MACROD2: variants seen among roughly 807,000 people sequenced by gnomAD.
MACROD2 encodes the protein ADP-ribose glycohydrolase MACROD2.
In MACROD2, 36 loss-of-function variants were observed where a neutral mutation model predicts 70.4. The ratio of observed to expected loss-of-function variants is 0.51; its 90% CI spans 0.39 to 0.68. MACROD2 has a LOEUF of 0.68. MACROD2 is among the 30% of genes least tolerant of loss of function. The probability of loss-of-function intolerance (pLI) is 0.00; values close to 1 mark genes in which losing one functional copy is unlikely to be tolerated. For missense variants in MACROD2, 496 were observed against 538.4 expected (o/e 0.92, Z 0.78); for synonymous variants, 172 against 178.8 (o/e 0.96, Z 0.30).
At chr20:14,977,306 T>TC (rs2074749213) in intron 5 of MACROD2, among the ~76,000 whole-genome samples, 1 of 151,806 alleles carries the variant, frequency 6.6e-6, no homozygotes, top group South Asian at 2.1e-4. Flanking sequence ...GATTTTTTTT[T>TC]TTTTTTTTTT....
At chr20:14,116,949 C>T (rs1434554561) in intron 3 of MACROD2, among the ~76,000 whole-genome samples, 1 of 151,858 alleles carries the variant, frequency 6.6e-6, no homozygotes, top group Non-Finnish European at 1.5e-5. Context: ...CACCTGTAGT[C>T]CCAGGTACTT....
At chr20:15,333,367 T>G (rs7272766) in intron 6 of MACROD2, among the ~76,000 whole-genome samples, 8,012 of 151,676 alleles carry the variant, frequency 0.053, 955 homozygotes, top group African/African-American at 0.18. Context: ...CCTCTTAAGC[T>G]CAGTTTCATT....
chr20:14,314,644 C>G (rs1371132484), intron 3 of MACROD2, among the ~76,000 whole-genome samples: 1 of 152,054 alleles, frequency 6.6e-6, no homozygotes, highest in Non-Finnish European at 1.5e-5. Context: ...CCTGTAATCC[C>G]AGCTACTTGG....
intron 8 of MACROD2, among the ~76,000 whole-genome samples, chr20:15,754,165 T>C (rs1261512383): frequency 6.6e-6 from 1 of 152,232 alleles, no homozygotes; most frequent in Non-Finnish European, 1.5e-5. Flanking sequence ...AAATGTAAAG[T>C]ATTACTTATT....
intron 5 of MACROD2, among the ~76,000 whole-genome samples, chr20:14,940,886 T>C (rs2074383963): frequency 6.6e-6 from 1 of 152,194 alleles, no homozygotes; most frequent in Non-Finnish European, 1.5e-5. Context: ...CTGGTTTTGG[T>C]ATCAAGTTAA....
chr20:15,038,398 A>G (rs1003534489), intron 5 of MACROD2, among the ~76,000 whole-genome samples: 1 of 152,162 alleles, frequency 6.6e-6, no homozygotes, highest in African/African-American at 2.4e-5. Flanking sequence ...TTTATTTACA[A>G]CCTGGGGACA....
intron 6 of MACROD2, among the ~76,000 whole-genome samples, chr20:15,230,438 G>C (rs1390630040): frequency 6.6e-6 from 1 of 152,124 alleles, no homozygotes; most frequent in African/African-American, 2.4e-5. Flanking sequence ...TATATTGGTT[G>C]TATGCTTGTG....
At chr20:14,714,513 A>G (rs1055723771) in intron 5 of MACROD2, among the ~76,000 whole-genome samples, 9 of 152,124 alleles carry the variant, frequency 5.9e-5, no homozygotes, top group Non-Finnish European at 1.3e-4. Context: ...TCCATGTCCT[A>G]TCCCTCAACA....
intron 3 of MACROD2, among the ~76,000 whole-genome samples, chr20:14,102,728 G>A (rs1210692513): frequency 1.3e-5 from 2 of 152,170 alleles, no homozygotes. Context: ...AGTAGGTGAT[G>A]GATGGGAATA....
chr20:15,791,340 T>C (rs1837344567), intron 8 of MACROD2, among the ~76,000 whole-genome samples: 1 of 151,914 alleles, frequency 6.6e-6, no homozygotes, highest in African/African-American at 2.4e-5. Flanking sequence ...TAAAGAAAGC[T>C]TAGCTGATAT....
chr20:15,007,231 G>A (rs768859085), intron 5 of MACROD2, among the ~76,000 whole-genome samples: 1 of 152,084 alleles, frequency 6.6e-6, no homozygotes, highest in Non-Finnish European at 1.5e-5. Flanking sequence ...GAGCATGGTG[G>A]CGGGTGCCTG....
intron 3 of MACROD2, among the ~76,000 whole-genome samples, chr20:14,382,790 A>G (rs1211046077): frequency 6.6e-6 from 1 of 152,160 alleles, no homozygotes; most frequent in African/African-American, 2.4e-5. Context: ...AAATTTCCTG[A>G]CTTCAGTTAT....
At chr20:14,208,719 G>T (rs2081545913) in intron 3 of MACROD2, among the ~76,000 whole-genome samples, 2 of 152,246 alleles carry the variant, frequency 1.3e-5, no homozygotes, top group South Asian at 4.2e-4. Flanking sequence ...TGTTTGTGCT[G>T]ATTAGAGTTG....
intron 5 of MACROD2, among the ~76,000 whole-genome samples, chr20:14,735,509 G>A (rs536684569): frequency 7.9e-5 from 12 of 152,178 alleles, no homozygotes; most frequent in East Asian, 3.9e-4. Context: ...GTGAGAATGC[G>A]GAGAAATTGA....
chr20:14,685,110 C>T, intron 5 of MACROD2, 151 bp downstream of exon 5: 1 of 538,274 alleles, frequency 1.9e-6, no homozygotes, highest in Non-Finnish European at 3.3e-6. Flanking sequence ...AACGTGCTTT[C>T]CAAGTATGTC....
intron 9 of MACROD2, among the ~76,000 whole-genome samples, chr20:15,879,602 C>CCT (rs2064724643): frequency 6.6e-6 from 1 of 152,086 alleles, no homozygotes; most frequent in Non-Finnish European, 1.5e-5. Context: ...GTATGTCACT[C>CCT]CTCTGCTCAA....
chr20:14,441,470 C>G (rs940899838), intron 3 of MACROD2, among the ~76,000 whole-genome samples: 2 of 152,132 alleles, frequency 1.3e-5, no homozygotes, highest in Non-Finnish European at 2.9e-5. Flanking sequence ...CAGTGGATAA[C>G]TGATATACAT....
intron 4 of MACROD2, among the ~76,000 whole-genome samples, chr20:14,512,860 G>T (rs2085046145): frequency 1.3e-5 from 2 of 152,078 alleles, no homozygotes. Context: ...GAAAAACTAT[G>T]CAGGTAGCCA....
intron 2 of MACROD2, among the ~76,000 whole-genome samples, chr20:14,043,700 C>G (rs1258765121): frequency 1.3e-5 from 2 of 152,168 alleles, no homozygotes; most frequent in South Asian, 4.1e-4. Flanking sequence ...TGTCTTATTA[C>G]CTGCAGTCAG....
Sources: allele counts gnomAD v4.1 joint callset (sites outside exome capture counted in the v4.1 genomes callset), GRCh38; gene constraint gnomAD v4.1.1; transcripts MANE v1.5; gene names NCBI Gene and HGNC (gene_info 2026-07-23, HGNC 2026-07-21).